The following PALS2 variants were observed in gnomAD, a reference collection of about 807,000 sequenced individuals.
PALS2 encodes protein PALS2.
A neutral mutation model predicts 61.6 loss-of-function variants in PALS2; 27 were observed. The ratio of observed to expected loss-of-function variants is 0.44; its 90% CI spans 0.32 to 0.60. PALS2 has a LOEUF of 0.60. Among genes scored for constraint, PALS2 ranks in the 20% least tolerant of loss-of-function variants. The pLI is 0.05. For synonymous variants in PALS2, 236 were observed against 218.6 expected, an observed-to-expected ratio of 1.08 and a Z score of -0.70; for missense variants, 554 against 639.4, an observed-to-expected ratio of 0.87 and a Z score of 1.44.
intron 5 of PALS2, among the ~76,000 whole-genome samples, chr7:24,660,858 C>A (rs1234111975): frequency 6.6e-6 from 1 of 152,152 alleles, no homozygotes. Flanking sequence ...GCCTATTAAC[C>A]CACAGTTCTT....
At chr7:24,585,565 G>A (rs897713755) in intron 1 of PALS2, among the ~76,000 whole-genome samples, 1 of 151,992 alleles carries the variant, frequency 6.6e-6, no homozygotes, top group Non-Finnish European at 1.5e-5. Context: ...TTTATAGTTT[G>A]TTTCCACCCT....
At chr7:24,677,871 T>C (rs1787703143) in intron 9 of PALS2, among the ~76,000 whole-genome samples, 1 of 152,198 alleles carries the variant, frequency 6.6e-6, no homozygotes, top group Admixed American at 6.5e-5. Context: ...AGTCCTATTA[T>C]ACATAATGAT....
At chr7:24,577,326 A>G (rs1782677166) in intron 1 of PALS2, among the ~76,000 whole-genome samples, 1 of 144,780 alleles carries the variant, frequency 6.9e-6, no homozygotes, top group South Asian at 2.2e-4. Flanking sequence ...GCTTAGGAAT[A>G]TATTCATCTC....
At chr7:24,608,962 T>C (rs1266845898) in intron 1 of PALS2, among the ~76,000 whole-genome samples, 1 of 152,148 alleles carries the variant, frequency 6.6e-6, no homozygotes, top group Admixed American at 6.6e-5. Flanking sequence ...AACTTTCTTA[T>C]TTTTTGGTTG....
At position 24,628,667 on chromosome 7, in the gene PALS2, C is replaced by T. The variant is rs144797033; in HGVS notation, c.117+4883C>T. 2.6e-4 allele frequency among the ~76,000 whole-genome samples: 40 copies of T among 152,102 alleles called. No individual in the cohort carries two copies. In the East Asian group the frequency reaches 6.6e-3, roughly 25 times the overall value. On this transcript the variant is annotated intron_variant, in intron 2 of 11. Coordinates refer to ENST00000222644, the MANE Select transcript of PALS2 (RefSeq NM_001303037.2). ...AAAGTCTCAGGATACAAAATCAGCG[C>T]GCAAAAATCCCAAGCATTCCTATAC...
intron 7 of PALS2, 112 bp downstream of exon 7, chr7:24,665,799 C>G: frequency 9.8e-7 from 1 of 1,025,274 alleles, no homozygotes; most frequent in Non-Finnish European, 1.4e-6. Flanking sequence ...GAATGAATCC[C>G]TCCCTCTGCT....
chr7:24,636,310 G>A (rs536424495), intron 2 of PALS2, among the ~76,000 whole-genome samples: 21 of 151,794 alleles, frequency 1.4e-4, no homozygotes, highest in African/African-American at 4.8e-4. Flanking sequence ...ATGTCAAAGT[G>A]CCTGTCTTCT....
intron 1 of PALS2, among the ~76,000 whole-genome samples, chr7:24,604,767 C>T (rs1297705589): frequency 6.6e-6 from 1 of 152,182 alleles, no homozygotes; most frequent in Non-Finnish European, 1.5e-5. Flanking sequence ...CTAGTCTAAC[C>T]CTAATCACCT....
chr7:24,573,547 C>T lies in PALS2; in HGVS notation c.-49C>T, dbSNP rs1450534467. 3 of 384,968 alleles carry T rather than the reference C, an allele frequency of 7.8e-6. No homozygotes were observed. The highest frequency in any genetic ancestry group is 3.7e-5 in the East Asian group (1 of 27,226). 23.8% of individuals were successfully genotyped at this position (384,968 alleles called of 1,614,324 possible). On this transcript the variant is annotated 5_prime_UTR_variant, in exon 1 of 12. Coordinates refer to ENST00000222644, the MANE Select transcript of PALS2 (RefSeq NM_001303037.2). The surrounding 1 kb of genome is among the most constrained non-coding windows in gnomAD (Gnocchi z 5.3). ...GAGAGCAGCGGCGGCGGGGAGCGAC[C>T]GGGAGCGGCGGCAGCGGCGGCGCGG... is the stretch of plus-strand genomic sequence containing the variant.
At chr7:24,594,799 A>G (rs1783437112) in intron 1 of PALS2, among the ~76,000 whole-genome samples, 2 of 152,096 alleles carry the variant, frequency 1.3e-5, no homozygotes, top group South Asian at 4.1e-4. Flanking sequence ...CTACCCCATG[A>G]ATGTGTGTAT....
At chr7:24,632,485 C>T (rs1341426212) in intron 2 of PALS2, among the ~76,000 whole-genome samples, 3 of 152,030 alleles carry the variant, frequency 2.0e-5, no homozygotes, top group South Asian at 2.1e-4. Context: ...CTGCAACCTC[C>T]GATTCCCTGG....
intron 11 of PALS2, among the ~76,000 whole-genome samples, chr7:24,683,816 T>C (rs2128035439): frequency 6.6e-6 from 1 of 152,376 alleles, no homozygotes; most frequent in Admixed American, 6.5e-5. Flanking sequence ...TTTATTCTGA[T>C]ATTTTCCAAT....
At chr7:24,630,245 C>T (rs1178955453) in intron 2 of PALS2, among the ~76,000 whole-genome samples, 2 of 152,060 alleles carry the variant, frequency 1.3e-5, no homozygotes, top group East Asian at 3.9e-4. Flanking sequence ...CCAAACACCG[C>T]ATGTTTTCTT....
At chr7:24,585,152 T>G (rs1294587004) in intron 1 of PALS2, among the ~76,000 whole-genome samples, 2 of 152,200 alleles carry the variant, frequency 1.3e-5, no homozygotes, top group Non-Finnish European at 2.9e-5. Context: ...GTGGGCTCTT[T>G]TTTGGTTCCA....
In PALS2 at chr7:24,687,687, A is replaced by C; in HGVS notation, c.*73A>C. The C allele has an allele frequency of 3.6e-6, 5 of 1,400,122 alleles. No individual in the cohort carries two copies. Among genetic ancestry groups the C allele is most frequent in the Non-Finnish European group, 4.8e-6 (5 of 1,038,210 alleles). 86.7% of individuals were successfully genotyped at this position (1,400,122 alleles called of 1,614,324 possible). On this transcript the variant is annotated 3_prime_UTR_variant, in exon 12 of 12. Coordinates refer to ENST00000222644, the MANE Select transcript of PALS2 (RefSeq NM_001303037.2). This position sits in a 1 kb window ranked among gnomAD's most constrained non-coding sequence, Gnocchi z 4.5. ...GCAACAAATAAACCTTCTACTGAGA[A>C]AATACATCACAGATAGAAGATTATC...
chr7:24,654,143 A>G (rs1484257078), intron 5 of PALS2, among the ~76,000 whole-genome samples: 1 of 152,108 alleles, frequency 6.6e-6, no homozygotes, highest in Non-Finnish European at 1.5e-5. Flanking sequence ...TTGATTATAT[A>G]CAGTTATTTA....
chr7:24,678,333 T>A (rs1787732310), intron 9 of PALS2, among the ~76,000 whole-genome samples: 1 of 152,162 alleles, frequency 6.6e-6, no homozygotes, highest in Non-Finnish European at 1.5e-5. Flanking sequence ...AGCTATTCAA[T>A]CTCATTTTCC....
At chr7:24,681,912 G>C (rs535245202) in intron 11 of PALS2, among the ~76,000 whole-genome samples, 2 of 152,066 alleles carry the variant, frequency 1.3e-5, no homozygotes, top group African/African-American at 4.8e-5. Context: ...CTTTCTGAAC[G>C]TATGAAACAT....
Position 24,647,483 on chromosome 7 carries a change from C to T in PALS2, c.271-2129C>T, listed in dbSNP as rs188198926. Reference sequence around the variant, plus strand: ...TGATCTTTTGGAAGGTTTTTTGTGTCTCAGTTTTCTTCAGCTCAGCTCTAA... The same window carrying T: ...TGATCTTTTGGAAGGTTTTTTGTGTTTCAGTTTTCTTCAGCTCAGCTCTAA... On this transcript the variant is annotated intron_variant, in intron 3 of 11. Transcript: ENST00000222644. Among the ~76,000 whole-genome samples, 723 of 152,208 alleles carry T rather than the reference C, an allele frequency of 4.8e-3. 3 individuals are homozygous for T. Among genetic ancestry groups the T allele is most frequent in the Middle Eastern group, 0.024 (7 of 294 alleles).
Sources: gnomAD v4.1 joint callset for allele counts (sites outside exome capture counted in the v4.1 genomes callset) on GRCh38, gnomAD v4.1.1 for gene constraint, Gnocchi (gnomAD v3.1) non-coding constraint, MANE v1.5 for transcripts, NCBI Gene and HGNC (gene_info 2026-07-23, HGNC 2026-07-21) for gene names.